NRIP3: variants seen among roughly 807,000 people sequenced by gnomAD.
NRIP3 encodes the protein nuclear receptor interacting protein 3.
In NRIP3, 31 loss-of-function variants were observed where a neutral mutation model predicts 29.0. The ratio of observed to expected loss-of-function variants is 1.07; its 90% CI spans 0.80 to 1.44. The LOEUF (loss-of-function observed/expected upper bound fraction) is 1.44, where lower values mean the gene tolerates loss of function less well. Among genes scored for constraint, NRIP3 ranks in the 40% most tolerant of loss-of-function variants. The pLI, the probability that NRIP3 is intolerant of heterozygous loss-of-function variation, is 0.00. For synonymous variants in NRIP3, 131 were observed against 118.3 expected, an observed-to-expected ratio of 1.11 and a Z score of -0.70; for missense variants, 314 against 297.9, an observed-to-expected ratio of 1.05 and a Z score of -0.40.
At chr11:8,993,551 G>A (rs567326186) in intron 1 of NRIP3, among the ~76,000 whole-genome samples, 1 of 152,262 alleles carries the variant, frequency 6.6e-6, no homozygotes, top group Admixed American at 6.5e-5. Flanking sequence ...GCTTACACCT[G>A]TAATCCCAGC....
At chr11:8,998,490 G>T (rs1272480448) in intron 1 of NRIP3, among the ~76,000 whole-genome samples, 4 of 152,170 alleles carry the variant, frequency 2.6e-5, no homozygotes, top group African/African-American at 9.7e-5. Flanking sequence ...CCTACTCTGA[G>T]GTTCTACAAA....
At chr11:8,998,751 G>A (rs2134928452) in intron 1 of NRIP3, among the ~76,000 whole-genome samples, 1 of 151,094 alleles carries the variant, frequency 6.6e-6, no homozygotes, top group South Asian at 2.1e-4. Context: ...TAACTAATTG[G>A]GACCCTAAAC....
At chr11:8,998,610 G>A (rs985515079) in intron 1 of NRIP3, among the ~76,000 whole-genome samples, 2 of 152,018 alleles carry the variant, frequency 1.3e-5, no homozygotes, top group African/African-American at 4.8e-5. Context: ...ATCACATCAG[G>A]TTAGAGAAAT....
rs796204079 is a variant in NRIP3, at chr11:8,995,299, C to T, written c.175-7017G>A. Reference sequence around the variant, plus strand: ...CTGCTTTCAGCAAATTACCACTTGTCACATATTAGCTTGGGCAAATCACTA... The same window carrying T: ...CTGCTTTCAGCAAATTACCACTTGTTACATATTAGCTTGGGCAAATCACTA... On this transcript the variant is annotated intron_variant, in intron 1 of 6. Coordinates refer to ENST00000309166, the MANE Select transcript of NRIP3 (RefSeq NM_020645.3). 1.1e-4 allele frequency among the ~76,000 whole-genome samples: 17 copies of T among 152,330 alleles called. 1 individual carries two copies. The highest frequency in any genetic ancestry group is 4.1e-4 in the African/African-American group (17 of 41,572).
At position 8,988,205 on chromosome 11, in the gene NRIP3, C is replaced by G. The variant is rs1281959082; in HGVS notation, c.252G>C (p.Trp84Cys). The stretch of plus-strand genomic sequence containing the variant: ...GATTGAGTTTGTTCGTCTTAGAGGC[C>G]CAAGGGACACGGGGACCGCTTCGGA... ...SKLRSGPRVP[W>C]ASKTNKLNQA... The change falls in exon 2 of 7, where the codon TGG (tryptophan) becomes TGC (cysteine). Residue 84 changes from tryptophan (W) to cysteine (C), a missense_variant. Physicochemically the swap from Trp to Cys is radical, Grantham distance 215. Transcript: ENST00000309166. 3 of 1,614,132 alleles carry G rather than the reference C, an allele frequency of 1.9e-6. No individual in the cohort carries two copies.
At chr11:9,001,285 T>C (rs773677243) in intron 1 of NRIP3, among the ~76,000 whole-genome samples, 1 of 152,176 alleles carries the variant, frequency 6.6e-6, no homozygotes, top group Non-Finnish European at 1.5e-5. Flanking sequence ...TTTGATTTCC[T>C]ATGGTTGCCT....
Position 9,003,867 on chromosome 11 carries a change from C to A in NRIP3, c.69G>T (p.Leu23=). The part of the protein sequence containing the change: ...KETDMREAAS[L]RQQRRMKQAV... ...CCTGCTTCATCCGGCGCTGCTGTCG[C>A]AGTGACGCCGCCTCCCGCATGTCGG... The change falls in exon 1 of 7, where the codon CTG becomes CTT. Residue 23 remains leucine (L), a synonymous_variant. Coordinates refer to ENST00000309166, the MANE Select transcript of NRIP3 (RefSeq NM_020645.3). The A allele has an allele frequency of 6.6e-7, 1 of 1,521,346 alleles. No homozygotes were observed. Among genetic ancestry groups the A allele is most frequent in the South Asian group, 1.2e-5 (1 of 80,894 alleles). The allele number at this position is 1,521,346 out of a possible 1,614,324, so 94.2% of individuals were successfully genotyped here.
intron 1 of NRIP3, among the ~76,000 whole-genome samples, chr11:8,990,425 T>C (rs1442124152): frequency 6.6e-6 from 1 of 152,212 alleles, no homozygotes; most frequent in African/African-American, 2.4e-5. Flanking sequence ...ACTTGTTCTT[T>C]AGTAACCAAA....
At chr11:9,003,735 G>A (rs1854855724) in intron 1 of NRIP3, 27 bp downstream of exon 1, 3 of 1,387,162 alleles carry the variant, frequency 2.2e-6, no homozygotes, top group South Asian at 1.6e-5. Flanking sequence ...CGCCGGGGCC[G>A]GGGCGAGAAC....
intron 1 of NRIP3, among the ~76,000 whole-genome samples, chr11:8,995,116 C>G (rs1854678693): frequency 6.6e-6 from 1 of 152,060 alleles, no homozygotes; most frequent in Non-Finnish European, 1.5e-5. Flanking sequence ...CTGCTAAGCC[C>G]AATCTCCTAA....
intron 1 of NRIP3, 126 bp from the exon 2 acceptor site, chr11:8,988,408 A>G (rs1854551168): frequency 2.6e-6 from 2 of 763,648 alleles, no homozygotes; most frequent in Non-Finnish European, 4.2e-6. Flanking sequence ...CTTCTTATTT[A>G]TACTTCCTTC....
chr11:8,992,669 G>C (rs1854627515), intron 1 of NRIP3, among the ~76,000 whole-genome samples: 1 of 152,160 alleles, frequency 6.6e-6, no homozygotes, highest in African/African-American at 2.4e-5. Context: ...CCAGCACTTT[G>C]GGAGGCTGAG....
At chr11:9,003,677 C>T in intron 1 of NRIP3, 85 bp downstream of exon 1, 1 of 1,273,976 alleles carries the variant, frequency 7.8e-7, no homozygotes, top group Non-Finnish European at 1.0e-6. Flanking sequence ...GGCCGTGACT[C>T]AGTGAAAGCC....
At position 8,983,924 on chromosome 11, in the gene NRIP3, C is replaced by T. The variant is rs1275592596; in HGVS notation, c.661G>A (p.Asp221Asn). Reference protein sequence around the residue: ...DKHRLIMGKTDKEEIPFVETV... With the variant: ...DKHRLIMGKTNKEEIPFVETV... ...TCCACAAAAGGGATTTCTTCCTTGT[C>T]TGTCTTCCCCATGATCAGCCGGTGC... is the stretch of plus-strand genomic sequence containing the variant. Residue 221 changes from aspartate to asparagine, a missense_variant, in exon 6 of 7, where the codon GAC (aspartate) becomes AAC (asparagine). Physicochemically the swap from Asp to Asn is conservative, Grantham distance 23. Coordinates refer to ENST00000309166, the MANE Select transcript of NRIP3 (RefSeq NM_020645.3). The T allele has an allele frequency of 6.8e-6, 11 of 1,614,102 alleles. No individual in the cohort carries two copies. The highest frequency in any genetic ancestry group is 7.6e-6 in the Non-Finnish European group (9 of 1,180,042).
At chr11:8,997,992 CTTAG>C (rs1326946619) in intron 1 of NRIP3, among the ~76,000 whole-genome samples, 4 of 152,192 alleles carry the variant, frequency 2.6e-5, no homozygotes, top group Admixed American at 1.3e-4. Flanking sequence ...ACAACTAGAG[CTTAG>C]TTAGAACAAG....
At chr11:9,004,080 G>GGGCCGGCACAGAGTCCACGCCCCGCGC, upstream of NRIP3, 1 of 726,512 alleles carries the variant, frequency 1.4e-6, no homozygotes. Context: ...GCGGGGGGCG[G>GGGCCGGCACAGAGTCCACGCCCCGCGC]GGCCGGCACA....
At chr11:8,992,171 A>AT (rs1222011256) in intron 1 of NRIP3, among the ~76,000 whole-genome samples, 6 of 152,364 alleles carry the variant, frequency 3.9e-5, no homozygotes, top group Admixed American at 3.9e-4. Context: ...TACAGGTATC[A>AT]GAACCTCTAC....
intron 1 of NRIP3, among the ~76,000 whole-genome samples, chr11:9,000,741 C>T (rs993077089): frequency 7.3e-5 from 11 of 151,378 alleles, no homozygotes; most frequent in African/African-American, 2.2e-4. Flanking sequence ...TTTCCAAGAA[C>T]GGAGATGTTT....
chr11:9,001,483 C>T (rs960746457), intron 1 of NRIP3, among the ~76,000 whole-genome samples: 3 of 152,204 alleles, frequency 2.0e-5, no homozygotes, highest in Admixed American at 2.0e-4. Flanking sequence ...CCTCTCTCTT[C>T]CTTATCTCCC....
Sources: gnomAD v4.1 joint callset for allele counts (sites outside exome capture counted in the v4.1 genomes callset) on GRCh38, gnomAD v4.1.1 for gene constraint, MANE v1.5 for transcripts, NCBI Gene and HGNC (gene_info 2026-07-23, HGNC 2026-07-21) for gene names.